BUB1B: variants seen among roughly 807,000 people sequenced by gnomAD.
The protein encoded by BUB1B is mitotic checkpoint serine/threonine-protein kinase BUB1 beta.
BUB1B carries 86 observed loss-of-function variants against 137.7 expected under a neutral mutation model. The observed-to-expected ratio is 0.62, with a 90% CI of 0.52 to 0.75. The LOEUF (loss-of-function observed/expected upper bound fraction) is 0.75. Among genes scored for constraint, BUB1B ranks in the 30% least tolerant of loss-of-function variants. The pLI is 0.00. For synonymous variants in BUB1B, 420 were observed against 417.9 expected, an observed-to-expected ratio of 1.00 and a Z score of -0.06; for missense variants, 1,130 against 1,236.9, an observed-to-expected ratio of 0.91 and a Z score of 1.30.
chr15:40,216,586 T>TTA lies in BUB1B; in HGVS notation c.2679-910_2679-909insTA, dbSNP rs201249936. Among the ~76,000 whole-genome samples, 738 of 141,014 alleles carry TTA rather than the reference T, an allele frequency of 5.2e-3. 16 individuals are homozygous for TTA. Among genetic ancestry groups the TTA allele is most frequent in the East Asian group, 0.031 (149 of 4,876 alleles). The allele number at this position is 141,014 out of a possible 152,430, so 92.5% of individuals were successfully genotyped here. A position where few individuals can be genotyped will look rare whatever the true frequency, so the allele number is the denominator to read the frequency against. ...ATATATATATATTTTTTTTTTTTTT[T>TTA]AATTATAGTATAGTTTTATGGTGGC... On this transcript the variant is annotated intron_variant, in intron 20 of 22. Transcript: ENST00000287598.
Position 40,176,549 on chromosome 15 carries a change from C to G in BUB1B, c.457C>G (p.Gln153Glu), listed in dbSNP as rs1236344276. The G allele has an allele frequency of 4.3e-6, 7 of 1,614,034 alleles. No homozygotes were observed. Among genetic ancestry groups the G allele is most frequent in the South Asian group, 2.2e-5 (2 of 91,068 alleles). ...CCAAGGGATTGGTGTTTCACTTGCT[C>G]AGTTCTATATCTCATGGGCAGAAGA... ...HNQGIGVSLA[Q>E]FYISWAEEYE... Residue 153 changes from glutamine to glutamate, a missense_variant, in exon 5 of 23, where the codon CAG becomes GAG. By Grantham distance (29) the Gln-to-Glu change is conservative. Coordinates refer to ENST00000287598, the MANE Select transcript of BUB1B (RefSeq NM_001211.6).
At chr15:40,211,388 A>T (rs1025761963) in intron 18 of BUB1B, among the ~76,000 whole-genome samples, 2 of 151,910 alleles carry the variant, frequency 1.3e-5, no homozygotes, top group Non-Finnish European at 2.9e-5. Context: ...AAAGACCTTG[A>T]CAGCTGTGGA....
chr15:40,205,371 A>G (rs1470983842), intron 14 of BUB1B, among the ~76,000 whole-genome samples: 2 of 152,208 alleles, frequency 1.3e-5, no homozygotes, highest in Non-Finnish European at 2.9e-5. Flanking sequence ...TCTGGTATCC[A>G]TATGGGTTAA....
intron 5 of BUB1B, 21 bp downstream of exon 5, chr15:40,176,694 G>T: frequency 6.2e-7 from 1 of 1,608,988 alleles, no homozygotes; most frequent in Non-Finnish European, 8.5e-7. Context: ...TTTGGAGCTT[G>T]TCTTAACTCT....
At chr15:40,179,967 CATATATATAT>C (rs34339420) in intron 5 of BUB1B, among the ~76,000 whole-genome samples, 2 of 143,552 alleles carry the variant, frequency 1.4e-5, no homozygotes, top group African/African-American at 5.3e-5. Flanking sequence ...TTTCAAAAGC[CATATATATAT>C]ATATATATAT....
intron 16 of BUB1B, among the ~76,000 whole-genome samples, 167 bp downstream of exon 16, chr15:40,208,937 C>A (rs1345464594): frequency 6.6e-6 from 1 of 152,176 alleles, no homozygotes; most frequent in East Asian, 1.9e-4. Context: ...CCTACCTCAG[C>A]CTCCCGAGTA....
Position 40,212,572 on chromosome 15 carries a change from A to G in BUB1B, c.2459A>G (p.Asp820Gly). ...KLKERLNEDF[D>G]HFCSCYQYQD... ...AAGGAACGTTTAAATGAAGATTTTG[A>G]TCATTTTTGCAGCTGTTATCAATAT... Residue 820 changes from aspartate to glycine, a missense_variant, in exon 19 of 23, where the codon GAT becomes GGT. By Grantham distance (94) the Asp-to-Gly change is moderately conservative. Coordinates refer to ENST00000287598, the MANE Select transcript of BUB1B (RefSeq NM_001211.6). The G allele has an allele frequency of 6.2e-7, 1 of 1,613,396 alleles. No homozygotes were observed. The highest frequency in any genetic ancestry group is 1.1e-5 in the South Asian group (1 of 91,070).
intron 8 of BUB1B, among the ~76,000 whole-genome samples, chr15:40,193,451 T>TA (rs2037460640): frequency 6.6e-6 from 1 of 151,348 alleles, no homozygotes; most frequent in Non-Finnish European, 1.5e-5. Flanking sequence ...TTTTTTTTTT[T>TA]TATATGCTTA....
chr15:40,206,811 GTATT>G (rs928083063), intron 15 of BUB1B, among the ~76,000 whole-genome samples: 16 of 152,114 alleles, frequency 1.1e-4, no homozygotes, highest in African/African-American at 3.9e-4. Context: ...TTAATTTTAT[GTATT>G]TATTTATTTA....
intron 22 of BUB1B, among the ~76,000 whole-genome samples, chr15:40,219,623 G>C (rs948779573): frequency 2.6e-5 from 4 of 152,138 alleles, no homozygotes; most frequent in South Asian, 2.1e-4. Flanking sequence ...GGGAAGCTGA[G>C]GCACGGGAAT....
At chr15:40,208,562 T>C in intron 15 of BUB1B, 75 bp from the exon 16 acceptor site, 1 of 1,431,096 alleles carries the variant, frequency 7.0e-7, no homozygotes, top group Non-Finnish European at 9.6e-7. Flanking sequence ...ATGTATACAT[T>C]AAGAATTTAT....
intron 18 of BUB1B, among the ~76,000 whole-genome samples, chr15:40,211,635 T>C (rs1415569353): frequency 2.6e-5 from 4 of 151,946 alleles, no homozygotes; most frequent in Admixed American, 2.0e-4. Context: ...CTGATATATA[T>C]ACTTTTTCCT....
intron 4 of BUB1B, among the ~76,000 whole-genome samples, chr15:40,176,059 C>T (rs1035936071): frequency 6.6e-6 from 1 of 152,182 alleles, no homozygotes; most frequent in Non-Finnish European, 1.5e-5. Flanking sequence ...AGTGATTCTC[C>T]TGCCCCAGCC....
rs1566824771 is a variant in BUB1B at position 40,200,239 on chromosome 15, A to G, written c.1402-5A>G. 3 of 1,607,446 alleles carry G rather than the reference A, an allele frequency of 1.9e-6. No homozygotes were observed. In the East Asian group the frequency reaches 6.7e-5, roughly 36 times the overall value. ...ACATTGATTTTGTTTATTTAATGCA[A>G]ACAGCAAGAAGAGACGATGCCTACA... On this transcript the variant is annotated splice_polypyrimidine_tract_variant and splice_region_variant and intron_variant, in intron 10 of 22. Transcript: ENST00000287598.
At chr15:40,220,309 A>G (rs2037879807) in intron 22 of BUB1B, among the ~76,000 whole-genome samples, 1 of 152,186 alleles carries the variant, frequency 6.6e-6, no homozygotes, top group Non-Finnish European at 1.5e-5. Context: ...TAGTACACAG[A>G]GGAAATTTAT....
intron 16 of BUB1B, among the ~76,000 whole-genome samples, chr15:40,209,101 C>T (rs1270290034): frequency 1.3e-5 from 2 of 152,172 alleles, no homozygotes; most frequent in Non-Finnish European, 2.9e-5. Context: ...AGCCACCATG[C>T]CCAGTCTATG....
chr15:40,210,220 A>AT lies in BUB1B; in HGVS notation c.2385+12dup. 1 of 1,554,132 alleles carries AT rather than the reference A, an allele frequency of 6.4e-7. No homozygotes were observed. ...ATTAACAGTAATAAAGGTGGGACTG[A>AT]TTCTTTATAATTTCAGTTACTTTGT... On this transcript the variant is annotated intron_variant, in intron 18 of 22. Coordinates refer to ENST00000287598, the MANE Select transcript of BUB1B (RefSeq NM_001211.6).
At chr15:40,184,527 C>T (rs2037335778) in intron 6 of BUB1B, among the ~76,000 whole-genome samples, 1 of 152,084 alleles carries the variant, frequency 6.6e-6, no homozygotes, top group Non-Finnish European at 1.5e-5. Flanking sequence ...GCAGAAGGTA[C>T]AGAGAATAAT....
chr15:40,185,769 A>C, intron 8 of BUB1B, 127 bp downstream of exon 8: 56 of 871,356 alleles, frequency 6.4e-5, no homozygotes, highest in Non-Finnish European at 9.3e-5. Flanking sequence ...GCAGTAGCTC[A>C]CACCTGTAAT....
Sources: allele counts gnomAD v4.1 joint callset (sites outside exome capture counted in the v4.1 genomes callset), GRCh38; gene constraint gnomAD v4.1.1; transcripts MANE v1.5; gene names NCBI Gene and HGNC (gene_info 2026-07-23, HGNC 2026-07-21).